Variants in CHRM3 observed in about 807,000 individuals in gnomAD.
CHRM3 encodes muscarinic acetylcholine receptor M3.
Under a neutral mutation model 41.8 loss-of-function variants are expected in CHRM3, and 11 were observed. That is an observed-to-expected ratio of 0.26 (90% confidence interval 0.17 to 0.44). The LOEUF (loss-of-function observed/expected upper bound fraction) is 0.44. Among genes scored for constraint, CHRM3 ranks in the 20% least tolerant of loss-of-function variants. The pLI, the probability that CHRM3 is intolerant of heterozygous loss-of-function variation, is 1.00. For missense variants in CHRM3, 571 were observed against 745.4 expected, an observed-to-expected ratio of 0.77 and a Z score of 2.72; for synonymous variants, 297 against 301.4, an observed-to-expected ratio of 0.99 and a Z score of 0.15.
chr1:239,909,090 T>C lies in CHRM3; in HGVS notation c.1639T>C (p.Cys547Arg). Residue 547 changes from cysteine to arginine, a missense_variant, in exon 7 of 7, where the codon TGC (cysteine) becomes CGC (arginine). This residue lies in a region of CHRM3 where 43 missense variants were observed against 93.7 expected (regional missense o/e 0.46). Transcript: ENST00000676153. Reference protein sequence around the residue: ...STVNPVCYALCNKTFRTTFKM... With the variant: ...STVNPVCYALRNKTFRTTFKM... ...CGTGAACCCCGTGTGCTATGCTCTG[T>C]GCAACAAAACATTCAGAACCACTTT... 1 of 1,614,108 alleles carries C rather than the reference T, an allele frequency of 6.2e-7. No homozygotes were observed.
intron 4 of CHRM3, among the ~76,000 whole-genome samples, chr1:239,654,732 T>G (rs990222458): frequency 1.1e-4 from 17 of 152,170 alleles, no homozygotes; most frequent in African/African-American, 2.9e-4. Flanking sequence ...ATGGACATTA[T>G]CAGGGCTGTA....
chr1:239,815,876 T>C (rs1232950958), intron 5 of CHRM3, among the ~76,000 whole-genome samples: 2 of 152,206 alleles, frequency 1.3e-5, no homozygotes, highest in African/African-American at 4.8e-5. Context: ...CTTCTCCAGA[T>C]GAATGATGCG....
intron 5 of CHRM3, among the ~76,000 whole-genome samples, chr1:239,810,333 A>C (rs1453987057): frequency 6.6e-6 from 1 of 152,160 alleles, no homozygotes; most frequent in Non-Finnish European, 1.5e-5. Context: ...TTGCAGAAAG[A>C]GCCACAGACA....
intron 1 of CHRM3, among the ~76,000 whole-genome samples, chr1:239,486,716 T>C (rs1330573881): frequency 6.6e-6 from 1 of 152,140 alleles, no homozygotes; most frequent in Non-Finnish European, 1.5e-5. Flanking sequence ...CAACCCCTGA[T>C]TTAGAATATC....
chr1:239,864,439 G>A (rs938228691), intron 6 of CHRM3, among the ~76,000 whole-genome samples: 5 of 151,974 alleles, frequency 3.3e-5, no homozygotes, highest in Admixed American at 6.6e-5. Flanking sequence ...TCTGGGAGGC[G>A]GAGGTTGCGG....
intron 1 of CHRM3, among the ~76,000 whole-genome samples, chr1:239,415,097 A>G (rs1661391451): frequency 6.6e-6 from 1 of 152,252 alleles, no homozygotes; most frequent in African/African-American, 2.4e-5. Context: ...AGTAACAAAC[A>G]AATCACATAG....
chr1:239,775,787 G>A (rs920491027), intron 5 of CHRM3, among the ~76,000 whole-genome samples: 1 of 152,178 alleles, frequency 6.6e-6, no homozygotes, highest in South Asian at 2.1e-4. Context: ...TCATAGGCCA[G>A]GATTTGAAGA....
At chr1:239,744,093 A>T (rs1665130176) in intron 5 of CHRM3, among the ~76,000 whole-genome samples, 1 of 151,430 alleles carries the variant, frequency 6.6e-6, no homozygotes, top group Non-Finnish European at 1.5e-5. Flanking sequence ...TATAGGTATG[A>T]GCCACTGTGT....
At chr1:239,631,833 C>A (rs6656654) in intron 3 of CHRM3, among the ~76,000 whole-genome samples, 133 of 152,308 alleles carry the variant, frequency 8.7e-4, no homozygotes, top group African/African-American at 3.1e-3. Context: ...ATAGACCATA[C>A]TAGCCAATTT....
At chr1:239,510,236 C>T (rs979174911) in intron 2 of CHRM3, among the ~76,000 whole-genome samples, 18 of 152,222 alleles carry the variant, frequency 1.2e-4, no homozygotes, top group African/African-American at 3.9e-4. Flanking sequence ...TTAAGCCAAA[C>T]ATCATACCCC....
In CHRM3 at chr1:239,404,016, A is replaced by AGAGAGG. The variant is rs1558194694; in HGVS notation, c.-521+16789_-521+16790insGAGAGG. Among the ~76,000 whole-genome samples the AGAGAGG allele has an allele frequency of 4.2e-5, 5 of 118,330 alleles. 1 individual carries two copies. Among genetic ancestry groups the AGAGAGG allele is most frequent in the Non-Finnish European group, 7.1e-5 (4 of 55,986 alleles). The allele number at this position is 118,330 out of a possible 152,430, so 77.6% of individuals were successfully genotyped here. The stretch of plus-strand genomic sequence containing the variant: ...GAGAGAGAGAGAGAGAGAGAGAGAT[A>AGAGAGG]CCTGGCTCGGTGGCTCACGCCTGTA... On this transcript the variant is annotated intron_variant, in intron 1 of 6. Coordinates refer to ENST00000676153, the MANE Select transcript of CHRM3 (RefSeq NM_001375978.1).
At chr1:239,388,441 A>C (rs2102897628) in intron 1 of CHRM3, among the ~76,000 whole-genome samples, 1 of 152,332 alleles carries the variant, frequency 6.6e-6, no homozygotes, top group Admixed American at 6.5e-5. Context: ...TTTGAAAAAT[A>C]ATTTTTAACT....
At chr1:239,426,176 C>T (rs1194821480) in intron 1 of CHRM3, among the ~76,000 whole-genome samples, 24 of 121,136 alleles carry the variant, frequency 2.0e-4, no homozygotes, top group East Asian at 1.1e-3. Flanking sequence ...ACAACAGGCC[C>T]GGTAAGTCAG....
rs771133412 is a variant in CHRM3, at chr1:239,907,627, C to T, written c.176C>T (p.Pro59Leu). ...FSSPDGTTDDPLGGHTVWQVV... is the reference protein window; with the variant it reads ...FSSPDGTTDDLLGGHTVWQVV... ...TCTCCAGACGGTACCACCGATGACC[C>T]TCTGGGAGGTCATACCGTCTGGCAA... Residue 59 changes from proline to leucine, a missense_variant, in exon 7 of 7, where the codon CCT becomes CTT. Pro to Leu is a moderately conservative substitution (Grantham distance 98, BLOSUM62 -3). Around this residue, in one of 5 missense-constraint regions of CHRM3, gnomAD observed 153 missense variants for 296.3 expected, o/e 0.52. Coordinates refer to ENST00000676153, the MANE Select transcript of CHRM3 (RefSeq NM_001375978.1). The surrounding 1 kb of genome is among the most constrained non-coding windows in gnomAD (Gnocchi z 5.4). 65 of 1,614,110 alleles carry T rather than the reference C, an allele frequency of 4.0e-5. No individual in the cohort carries two copies. The South Asian group carries it at 6.9e-4, about 17-fold the overall frequency.
At chr1:239,740,491 G>T (rs1225706221) in intron 5 of CHRM3, among the ~76,000 whole-genome samples, 1 of 151,392 alleles carries the variant, frequency 6.6e-6, no homozygotes, top group African/African-American at 2.4e-5. Context: ...TGGGATACAT[G>T]TGCAGAACGT....
At chr1:239,832,355 C>CA (rs1672962812) in intron 6 of CHRM3, among the ~76,000 whole-genome samples, 1 of 152,118 alleles carries the variant, frequency 6.6e-6, no homozygotes, top group Admixed American at 6.6e-5. Flanking sequence ...ATTTCCATGG[C>CA]AAATTGTTCA....
intron 1 of CHRM3, among the ~76,000 whole-genome samples, chr1:239,473,716 G>A (rs751737737): frequency 5.9e-5 from 9 of 152,054 alleles, no homozygotes; most frequent in African/African-American, 1.7e-4. Flanking sequence ...TTGGATAAAT[G>A]TATCTCCCAA....
At chr1:239,655,095 G>C (rs998811105) in intron 4 of CHRM3, among the ~76,000 whole-genome samples, 1 of 152,130 alleles carries the variant, frequency 6.6e-6, no homozygotes. Context: ...TTATGTTCTC[G>C]TGCAGCGAAA....
chr1:239,616,043 A>G (rs1404248283), intron 3 of CHRM3, among the ~76,000 whole-genome samples: 1 of 152,226 alleles, frequency 6.6e-6, no homozygotes, highest in Non-Finnish European at 1.5e-5. Flanking sequence ...AGTGATGGCT[A>G]GTTAGGAACA....
Sources: allele counts gnomAD v4.1 joint callset (sites outside exome capture counted in the v4.1 genomes callset), GRCh38; gene constraint gnomAD v4.1.1; regional missense constraint gnomAD v4.1.1; non-coding constraint Gnocchi (gnomAD v3.1); transcripts MANE v1.5; gene names NCBI Gene and HGNC (gene_info 2026-07-23, HGNC 2026-07-21).